Variants in RBM45 observed in about 807,000 individuals in gnomAD.
RBM45 encodes RNA-binding protein 45.
A neutral mutation model predicts 58.5 loss-of-function variants in RBM45; 39 were observed. The observed-to-expected ratio is 0.67, with a 90% CI of 0.52 to 0.87. The LOEUF (loss-of-function observed/expected upper bound fraction) is 0.87. RBM45 is among the 40% of genes least tolerant of loss of function. RBM45 has a pLI of 0.00. For missense variants in RBM45, 481 were observed against 581.6 expected, an observed-to-expected ratio of 0.83 and a Z score of 1.78; for synonymous variants, 193 against 203.0, an observed-to-expected ratio of 0.95 and a Z score of 0.42.
chr2:178,116,252 T>G lies in RBM45; in HGVS notation c.301-10T>G, dbSNP rs1034101937. ...ATTATTTTATTTTGGGAGTTTTGTT[T>G]GTTTCTTAGGTTTTCATTGCTCAGT... On this transcript the variant is annotated splice_polypyrimidine_tract_variant and intron_variant, in intron 1 of 9. Coordinates refer to ENST00000286070, the MANE Select transcript of RBM45 (RefSeq NM_152945.4). 1.5e-5 allele frequency: 23 copies of G among 1,553,666 alleles called. No individual in the cohort carries two copies. Among genetic ancestry groups the G allele is most frequent in the Non-Finnish European group, 1.6e-5 (18 of 1,156,622 alleles).
intron 3 of RBM45, among the ~76,000 whole-genome samples, chr2:178,136,297 G>A (rs1407238632): frequency 6.6e-6 from 1 of 152,210 alleles, no homozygotes; most frequent in African/African-American, 2.4e-5. Flanking sequence ...GCGACAGAGC[G>A]AGACTCCGTC....
At chr2:178,120,445 T>TC in intron 4 of RBM45, 36 bp downstream of exon 4, 1 of 1,553,316 alleles carries the variant, frequency 6.4e-7, no homozygotes, top group South Asian at 1.2e-5. Flanking sequence ...TAGTATAATG[T>TC]AGTATATGCA....
downstream of RBM45, among the ~76,000 whole-genome samples, chr2:178,130,617 T>C (rs1406497838): frequency 6.6e-6 from 1 of 152,186 alleles, no homozygotes; most frequent in Non-Finnish European, 1.5e-5. Flanking sequence ...AGCTATGACA[T>C]TGAATTGATA....
chr2:178,137,306 G>T (rs1437362973), exon 4 of RBM45: 3 of 152,038 alleles, frequency 2.0e-5, no homozygotes, highest in Non-Finnish European at 4.4e-5. Context: ...CAACCGCTTG[G>T]GAAAATGTTT....
intron 7 of RBM45, 79 bp downstream of exon 7, chr2:178,123,991 A>T: frequency 1.3e-6 from 2 of 1,507,552 alleles, no homozygotes; most frequent in African/African-American, 1.4e-5. Flanking sequence ...TGCTTTGTTG[A>T]TTATCTGTGT....
At position 178,125,972 on chromosome 2, in the gene RBM45, A is replaced by T; in HGVS notation, c.1233-12A>T. The T allele has an allele frequency of 1.9e-6, 3 of 1,606,318 alleles. No homozygotes were observed. The highest frequency in any genetic ancestry group is 1.7e-6 in the Non-Finnish European group (2 of 1,175,376). ...TCAATTTTGGTTGATTATTTTTTTC[A>T]CTTTGTTTCAGTCGTTTTGGTAACC... On this transcript the variant is annotated splice_polypyrimidine_tract_variant and intron_variant, in intron 8 of 9. Coordinates refer to ENST00000286070, the MANE Select transcript of RBM45 (RefSeq NM_152945.4).
chr2:178,112,873 T>C (rs774826612), intron 1 of RBM45, 27 bp downstream of exon 1: 1 of 1,594,416 alleles, frequency 6.3e-7, no homozygotes, highest in Non-Finnish European at 8.6e-7. Flanking sequence ...CGGGGTGCCC[T>C]CGGGGGAAGG....
exon 4 of RBM45, chr2:178,137,031 G>A (rs758359163): frequency 2.6e-5 from 4 of 152,164 alleles, no homozygotes; most frequent in Non-Finnish European, 4.4e-5. Context: ...TTTTGGGGTT[G>A]TTTTGTTTTG....
intron 3 of RBM45, among the ~76,000 whole-genome samples, chr2:178,135,593 A>G (rs2088038952): frequency 6.6e-6 from 1 of 152,196 alleles, no homozygotes; most frequent in East Asian, 1.9e-4. Context: ...ATCATCCTTA[A>G]AGATTAGCAA....
Position 178,112,504 on chromosome 2 carries a change from A to G in RBM45, c.-43A>G. On this transcript the variant is annotated 5_prime_UTR_variant, in exon 1 of 10. Coordinates refer to ENST00000286070, the MANE Select transcript of RBM45 (RefSeq NM_152945.4). ...AGACAGCAGCGGTGGCAGACACCGC[A>G]GAAGCAAAGAGCAGTGAGGCTCCTG... 6.4e-7 allele frequency: 1 copy of G among 1,555,636 alleles called. No individual in the cohort carries two copies. The highest frequency in any genetic ancestry group is 8.8e-7 in the Non-Finnish European group (1 of 1,138,068).
intron 3 of RBM45, among the ~76,000 whole-genome samples, chr2:178,135,836 C>G (rs927772229): frequency 6.6e-6 from 1 of 152,136 alleles, no homozygotes. Context: ...CAGGATTCTA[C>G]AGAAACATCC....
At chr2:178,121,100 G>T in intron 4 of RBM45, 80 bp from the exon 5 acceptor site, 1 of 708,290 alleles carries the variant, frequency 1.4e-6, no homozygotes, top group Non-Finnish European at 2.3e-6. Context: ...AATGGACTCT[G>T]TTTTCTAGTA....
chr2:178,136,896 A>G (rs1276683766), exon 4 of RBM45: 2 of 152,318 alleles, frequency 1.3e-5, no homozygotes, highest in African/African-American at 2.4e-5. Flanking sequence ...GTTCTCTGCA[A>G]TTGGCCTAGA....
At chr2:178,116,869 G>A (rs904946374) in intron 2 of RBM45, among the ~76,000 whole-genome samples, 1 of 152,040 alleles carries the variant, frequency 6.6e-6, no homozygotes, top group African/African-American at 2.4e-5. Context: ...CCTATGGTGT[G>A]TTGACATGGT....
intron 3 of RBM45, among the ~76,000 whole-genome samples, chr2:178,136,196 G>A (rs1367859673): frequency 1.3e-5 from 2 of 152,192 alleles, no homozygotes; most frequent in Non-Finnish European, 2.9e-5. Context: ...TGTAGTCCCA[G>A]CTACTTGGGA....
Position 178,116,394 on chromosome 2 carries a change from C to T in RBM45, c.423+10C>T. On this transcript the variant is annotated intron_variant, in intron 2 of 9. Coordinates refer to ENST00000286070, the MANE Select transcript of RBM45 (RefSeq NM_152945.4). The stretch of plus-strand genomic sequence containing the variant: ...GCGGGAAAAATTTAAGGTATTTATT[C>T]TAATCAGCTAGCATATGTGATAACT... 6.3e-7 allele frequency: 1 copy of T among 1,598,720 alleles called. No homozygotes were observed. Among genetic ancestry groups the T allele is most frequent in the Non-Finnish European group, 8.5e-7 (1 of 1,174,838 alleles).
Position 178,112,787 on chromosome 2 carries a change from A to G in RBM45, c.241A>G (p.Arg81Gly). ...VKFARSSQACRAMEEMHGQCL... is the reference protein window; with the variant it reads ...VKFARSSQACGAMEEMHGQCL... ...GTTCGCCCGCAGCTCACAGGCCTGCAGGGCCATGGAGGAGATGCATGGCCA... is the reference window on the plus strand; with the variant it reads ...GTTCGCCCGCAGCTCACAGGCCTGCGGGGCCATGGAGGAGATGCATGGCCA... The change falls in exon 1 of 10, where the codon AGG (arginine) becomes GGG (glycine). Residue 81 changes from arginine (R) to glycine (G), a missense_variant. Arg to Gly is a moderately radical substitution (Grantham distance 125, BLOSUM62 -2). Coordinates refer to ENST00000286070, the MANE Select transcript of RBM45 (RefSeq NM_152945.4). 6.2e-7 allele frequency: 1 copy of G among 1,613,862 alleles called. No individual in the cohort carries two copies. Among genetic ancestry groups the G allele is most frequent in the Non-Finnish European group, 8.5e-7 (1 of 1,179,940 alleles).
chr2:178,121,206 G>C lies in RBM45; in HGVS notation c.700G>C (p.Asp234His). ...FEQQSEFSSF[D>H]KNDSRGQEAI... The stretch of plus-strand genomic sequence containing the variant: ...ACAACAATCTGAATTTTCAAGTTTT[G>C]ACAAGAATGATAGCCGAGGCCAGGA... The change falls in exon 5 of 10, where the codon GAC (aspartate) becomes CAC (histidine). Residue 234 changes from aspartate to histidine, a missense_variant. By Grantham distance (81) the Asp-to-His change is moderately conservative. Coordinates refer to ENST00000286070, the MANE Select transcript of RBM45 (RefSeq NM_152945.4). 1 of 1,564,964 alleles carries C rather than the reference G, an allele frequency of 6.4e-7. No individual in the cohort carries two copies. Among genetic ancestry groups the C allele is most frequent in the Non-Finnish European group, 8.7e-7 (1 of 1,154,368 alleles).
At chr2:178,117,774 C>G (rs182759530) in intron 2 of RBM45, among the ~76,000 whole-genome samples, 1 of 152,316 alleles carries the variant, frequency 6.6e-6, no homozygotes, top group African/African-American at 2.4e-5. Flanking sequence ...TTCCAGAGCT[C>G]TGGCTCTTAA....
Sources: gnomAD v4.1 joint callset for allele counts (sites outside exome capture counted in the v4.1 genomes callset) on GRCh38, gnomAD v4.1.1 for gene constraint, MANE v1.5 for transcripts, NCBI Gene and HGNC (gene_info 2026-07-23, HGNC 2026-07-21) for gene names.